The following KCNMA1 variants were observed in gnomAD, a reference collection of about 807,000 sequenced individuals.
KCNMA1 encodes potassium calcium-activated channel subfamily M alpha 1.
KCNMA1 carries 29 observed loss-of-function variants against 140.0 expected under a neutral mutation model. That is an observed-to-expected ratio of 0.21 (90% CI 0.15 to 0.28). KCNMA1 has a LOEUF of 0.28. Among genes scored for constraint, KCNMA1 ranks in the 10% least tolerant of loss-of-function variants. The probability of loss-of-function intolerance (pLI) is 1.00; values close to 1 mark genes in which losing one functional copy is unlikely to be tolerated. For synonymous variants in KCNMA1, 612 were observed against 611.9 expected, an observed-to-expected ratio of 1.00 and a Z score of 0.00; for missense variants, 880 against 1,602.2, an observed-to-expected ratio of 0.55 and a Z score of 7.70.
At chr10:77,490,073 C>T (rs919036762) in intron 1 of KCNMA1, among the ~76,000 whole-genome samples, 5 of 152,216 alleles carry the variant, frequency 3.3e-5, no homozygotes, top group African/African-American at 4.8e-5. Flanking sequence ...CGCTACGCAC[C>T]GGATGCCAGC....
At chr10:76,925,536 A>T (rs1423982065) in intron 23 of KCNMA1, among the ~76,000 whole-genome samples, 1 of 152,196 alleles carries the variant, frequency 6.6e-6, no homozygotes, top group Non-Finnish European at 1.5e-5. Flanking sequence ...TTTCCATTAC[A>T]TCAATTTTTT....
At position 77,506,596 on chromosome 10, in the gene KCNMA1, A is replaced by AGTGT. The variant is rs796386759; in HGVS notation, c.379-102577_379-102574dup. ...TAGAGAGAGAGAGAGAGAGAGAGAGAGTGTGTGTGTGTGTGTGTGTGTGTT... is the reference window on the plus strand; with the variant it reads ...TAGAGAGAGAGAGAGAGAGAGAGAGAGTGTGTGTGTGTGTGTGTGTGTGTGTGTT... On this transcript the variant is annotated intron_variant, in intron 1 of 27. Coordinates refer to ENST00000286628, the MANE Select transcript of KCNMA1 (RefSeq NM_001161352.2). Among the ~76,000 whole-genome samples the AGTGT allele has an allele frequency of 1.3e-3, 111 of 83,550 alleles. 2 individuals carry two copies. Among genetic ancestry groups the AGTGT allele is most frequent in the Non-Finnish European group, 1.7e-3 (86 of 49,168 alleles). 54.8% of individuals were successfully genotyped at this position (83,550 alleles called of 152,430 possible). A position where few individuals can be genotyped will look rare whatever the true frequency, so the allele number is the denominator to read the frequency against.
intron 2 of KCNMA1, among the ~76,000 whole-genome samples, chr10:77,388,561 G>A (rs1379639649): frequency 6.6e-6 from 1 of 152,160 alleles, no homozygotes. Context: ...ATGGCTTAAT[G>A]TGTCTGTTTA....
At chr10:77,334,449 A>T (rs1409199206) in intron 2 of KCNMA1, among the ~76,000 whole-genome samples, 3 of 152,210 alleles carry the variant, frequency 2.0e-5, no homozygotes, top group African/African-American at 7.2e-5. Flanking sequence ...TTCTTACAAA[A>T]ATCTTTGTAA....
intron 1 of KCNMA1, among the ~76,000 whole-genome samples, chr10:77,575,337 A>C (rs2670115): frequency 0.39 from 59,294 of 151,980 alleles, 12,526 homozygotes; most frequent in Non-Finnish European, 0.48. Flanking sequence ...TGTTCTCTCA[A>C]GGCACTAGCG....
intron 1 of KCNMA1, among the ~76,000 whole-genome samples, chr10:77,561,750 T>C (rs140115139): frequency 6.6e-6 from 1 of 152,266 alleles, no homozygotes; most frequent in Admixed American, 6.5e-5. Flanking sequence ...AGGGGCTGCT[T>C]CAAGGGGAAA....
chr10:77,327,981 C>T (rs138662222), intron 2 of KCNMA1, among the ~76,000 whole-genome samples: 67 of 152,222 alleles, frequency 4.4e-4, no homozygotes, highest in East Asian at 2.5e-3. Flanking sequence ...AAGAGGTCAG[C>T]CCCTCCCTTT....
chr10:77,179,493 G>A (rs560574693), intron 5 of KCNMA1, among the ~76,000 whole-genome samples: 14 of 152,214 alleles, frequency 9.2e-5, no homozygotes, highest in Non-Finnish European at 1.3e-4. Flanking sequence ...AGGAGAACAC[G>A]GAGTCTTAAA....
chr10:77,090,785 T>C (rs2096794786), intron 9 of KCNMA1: 2 of 533,208 alleles, frequency 3.8e-6, no homozygotes, highest in African/African-American at 1.9e-5. Context: ...CAAGTGGTTT[T>C]ATGCATTTAA....
At chr10:77,548,633 C>T (rs1222486809) in intron 1 of KCNMA1, among the ~76,000 whole-genome samples, 2 of 152,222 alleles carry the variant, frequency 1.3e-5, no homozygotes, top group Non-Finnish European at 1.5e-5. Flanking sequence ...GATCTAACAG[C>T]ACACTGGGGA....
intron 5 of KCNMA1, among the ~76,000 whole-genome samples, chr10:77,142,056 T>G (rs7079556): frequency 0.4 from 60,942 of 152,034 alleles, 13,328 homozygotes; most frequent in East Asian, 0.88. Context: ...AACAATTTGG[T>G]TAAAGTGCTG....
At chr10:77,032,194 C>G (rs1464438545) in intron 15 of KCNMA1, among the ~76,000 whole-genome samples, 1 of 152,150 alleles carries the variant, frequency 6.6e-6, no homozygotes, top group Non-Finnish European at 1.5e-5. Context: ...CTTATGTACC[C>G]CTTACACTCC....
intron 1 of KCNMA1, among the ~76,000 whole-genome samples, chr10:77,429,411 A>G (rs2097099759): frequency 6.6e-6 from 1 of 152,110 alleles, no homozygotes; most frequent in Admixed American, 6.5e-5. Context: ...CCCATCCTTA[A>G]TTGTGACAAC....
chr10:77,006,969 C>G (rs1433214241), intron 18 of KCNMA1, among the ~76,000 whole-genome samples: 6 of 152,168 alleles, frequency 3.9e-5, no homozygotes, highest in Non-Finnish European at 7.4e-5. Context: ...GATGACTAAC[C>G]AAAATCAGAT....
intron 5 of KCNMA1, among the ~76,000 whole-genome samples, chr10:77,165,104 T>C (rs192646307): frequency 3.9e-5 from 6 of 152,214 alleles, no homozygotes; most frequent in African/African-American, 1.4e-4. Context: ...CCACTTGTCA[T>C]AGTGTGCTGC....
chr10:77,633,453 C>T (rs761620908), intron 1 of KCNMA1, among the ~76,000 whole-genome samples: 4 of 152,090 alleles, frequency 2.6e-5, no homozygotes, highest in Non-Finnish European at 4.4e-5. Flanking sequence ...AAGTGATCTG[C>T]TCAAAAAGGA....
chr10:77,544,160 G>C (rs192459736), intron 1 of KCNMA1, among the ~76,000 whole-genome samples: 5 of 150,338 alleles, frequency 3.3e-5, no homozygotes, highest in East Asian at 1.9e-4. Context: ...CTGTGTGTGT[G>C]TGTGTGTGTG....
intron 1 of KCNMA1, among the ~76,000 whole-genome samples, chr10:77,462,400 TACAA>T (rs113036947): frequency 0.055 from 8,360 of 152,224 alleles, 541 homozygotes; most frequent in African/African-American, 0.15. Flanking sequence ...CACATATATT[TACAA>T]ACAAACACAA....
Position 76,884,959 on chromosome 10 carries a change from T to G in KCNMA1, c.*2307A>C. 1.9e-6 allele frequency: 3 copies of G among 1,543,186 alleles called. No homozygotes were observed. The highest frequency in any genetic ancestry group is 2.0e-5 in the Admixed American group (1 of 49,944). On this transcript the variant is annotated 3_prime_UTR_variant, in exon 28 of 28. Transcript: ENST00000286628. ...ATAGAAGAAAACCCCCAGCAGTGGC[T>G]AGGTCATGCAGAACCATTAATTGTC...
Sources: allele counts gnomAD v4.1 joint callset (sites outside exome capture counted in the v4.1 genomes callset), GRCh38; gene constraint gnomAD v4.1.1; transcripts MANE v1.5; gene names NCBI Gene and HGNC (gene_info 2026-07-23, HGNC 2026-07-21).